The following WDFY3 variants were observed in gnomAD, a reference collection of about 807,000 sequenced individuals.
The protein encoded by WDFY3 is WD repeat and FYVE domain containing 3.
A neutral mutation model predicts 409.6 loss-of-function variants in WDFY3; 66 were observed. The ratio of observed to expected loss-of-function variants is 0.16; its 90% CI spans 0.13 to 0.20. The LOEUF is 0.20. WDFY3 is among the 10% of genes least tolerant of loss of function. The pLI, the probability that WDFY3 is intolerant of heterozygous loss-of-function variation, is 1.00. For synonymous variants in WDFY3, 1,521 were observed against 1,537.1 expected (o/e 0.99, Z 0.25); for missense variants, 3,031 against 4,298.1 (o/e 0.71, Z 8.24).
Position 84,721,503 on chromosome 4 carries a change from T to G in WDFY3, c.7511A>C (p.Gln2504Pro). 6.2e-7 allele frequency: 1 copy of G among 1,612,662 alleles called. No homozygotes were observed. The highest frequency in any genetic ancestry group is 8.5e-7 in the Non-Finnish European group (1 of 1,180,040). The change falls in exon 47 of 68, where the codon CAG (glutamine) becomes CCG (proline). Residue 2504 changes from glutamine to proline, a missense_variant. Coordinates refer to ENST00000295888, the MANE Select transcript of WDFY3 (RefSeq NM_014991.6). ...PDGGDEENQEQLQDQIAEGSS... is the reference protein window; with the variant it reads ...PDGGDEENQEPLQDQIAEGSS... ...GCCCTCAGCAATCTGGTCTTGTAGC[T>G]GCTCCTGGTTCTCCTCATCTCCTCC...
At chr4:84,882,935 G>A (rs1313870245) in intron 3 of WDFY3, among the ~76,000 whole-genome samples, 1 of 152,046 alleles carries the variant, frequency 6.6e-6, no homozygotes, top group Non-Finnish European at 1.5e-5. Context: ...GTCAAACTCT[G>A]GGCTAGAGCG....
At chr4:84,820,276 C>T (rs1197112330) in intron 11 of WDFY3, 90 bp from the exon 12 acceptor site, 3 of 1,090,634 alleles carry the variant, frequency 2.8e-6, no homozygotes, top group Non-Finnish European at 1.3e-6. Context: ...TTTATTTCTT[C>T]AGTATTCAGT....
chr4:84,841,359 C>T (rs1463348568), intron 5 of WDFY3, 96 bp from the exon 6 acceptor site: 2 of 999,384 alleles, frequency 2.0e-6, no homozygotes, highest in African/African-American at 3.3e-5. Flanking sequence ...ATTTACTAAG[C>T]ACATAATTAT....
chr4:84,743,337 C>CCA (rs1738789923), intron 37 of WDFY3, among the ~76,000 whole-genome samples: 1 of 152,086 alleles, frequency 6.6e-6, no homozygotes, highest in Non-Finnish European at 1.5e-5. Flanking sequence ...CATACATATA[C>CCA]CTATGACCTA....
chr4:84,717,478 A>C (rs1161639375), intron 48 of WDFY3, among the ~76,000 whole-genome samples: 1 of 152,196 alleles, frequency 6.6e-6, no homozygotes, highest in East Asian at 1.9e-4. Flanking sequence ...TGTTGACAGT[A>C]ATTATTTGAA....
intron 2 of WDFY3, among the ~76,000 whole-genome samples, chr4:84,903,157 T>C (rs919805438): frequency 6.6e-6 from 1 of 152,144 alleles, no homozygotes; most frequent in Non-Finnish European, 1.5e-5. Flanking sequence ...ATTTTTACAG[T>C]TCAATCTAAT....
At chr4:84,770,577 GAACAATGTACCTGTAA>G (rs993617273) in intron 30 of WDFY3, among the ~76,000 whole-genome samples, 2 of 152,052 alleles carry the variant, frequency 1.3e-5, no homozygotes, top group Admixed American at 1.3e-4. Flanking sequence ...TACTTGTTTG[GAACAATGTACCTGTAA>G]ACTGTCCTTT....
chr4:84,957,303 A>T (rs1441797173), intron 1 of WDFY3, among the ~76,000 whole-genome samples: 3 of 152,028 alleles, frequency 2.0e-5, no homozygotes, highest in African/African-American at 7.2e-5. Context: ...TCATAATGAG[A>T]CTTCTCACAA....
chr4:84,889,474 T>C (rs924701349), intron 3 of WDFY3, among the ~76,000 whole-genome samples: 1 of 152,140 alleles, frequency 6.6e-6, no homozygotes, highest in African/African-American at 2.4e-5. Context: ...AGAAACAATG[T>C]TTAAATAGTC....
chr4:84,880,674 C>CATACAT (rs1763381008), intron 3 of WDFY3, among the ~76,000 whole-genome samples: 1 of 50,356 alleles, frequency 2.0e-5, no homozygotes, highest in African/African-American at 8.9e-5. Flanking sequence ...GGGAACCATA[C>CATACAT]ATATATATAT....
In WDFY3 at chr4:84,860,448, T is replaced by G; in HGVS notation, c.144A>C (p.Glu48Asp). 1 of 1,614,146 alleles carries G rather than the reference T, an allele frequency of 6.2e-7. No homozygotes were observed. The highest frequency in any genetic ancestry group is 8.5e-7 in the Non-Finnish European group (1 of 1,179,992). ...PPRHMTQKEQ[E>D]EKLYMMLPVF... ...CTGGCAGCATCATATACAGTTTCTC[T>G]TCTTGTTCCTTCTGAGTCATGTGCC... is the stretch of plus-strand genomic sequence containing the variant. Residue 48 changes from glutamate (E) to aspartate (D), a missense_variant, in exon 4 of 68, where the codon GAA becomes GAC. Coordinates refer to ENST00000295888, the MANE Select transcript of WDFY3 (RefSeq NM_014991.6).
intron 4 of WDFY3, among the ~76,000 whole-genome samples, chr4:84,852,764 CT>C (rs367758767): frequency 9.1e-4 from 133 of 145,984 alleles, no homozygotes; most frequent in East Asian, 9.9e-4. Context: ...TAAACCTCCC[CT>C]TTTTTTTTTT....
At chr4:84,909,446 T>C (rs946576050) in intron 2 of WDFY3, among the ~76,000 whole-genome samples, 1 of 151,774 alleles carries the variant, frequency 6.6e-6, no homozygotes, top group Non-Finnish European at 1.5e-5. Context: ...TAAAAAAAAA[T>C]TCATATAATA....
intron 35 of WDFY3, 109 bp downstream of exon 35, chr4:84,753,588 G>T: frequency 7.8e-7 from 1 of 1,277,712 alleles, no homozygotes; most frequent in Non-Finnish European, 1.0e-6. Context: ...CTGTAACTTG[G>T]TCAGAAACTT....
intron 6 of WDFY3, among the ~76,000 whole-genome samples, chr4:84,839,396 A>G (rs900689333): frequency 6.6e-6 from 1 of 152,160 alleles, no homozygotes; most frequent in African/African-American, 2.4e-5. Flanking sequence ...CAGATACATG[A>G]AAACAATGGT....
At chr4:84,876,699 T>A (rs915213944) in intron 3 of WDFY3, among the ~76,000 whole-genome samples, 3 of 152,052 alleles carry the variant, frequency 2.0e-5, no homozygotes, top group African/African-American at 7.2e-5. Context: ...AAAAAAAAAC[T>A]TACATAGAGT....
intron 46 of WDFY3, among the ~76,000 whole-genome samples, chr4:84,722,011 G>T (rs1328671429): frequency 6.6e-6 from 1 of 152,130 alleles, no homozygotes; most frequent in Non-Finnish European, 1.5e-5. Flanking sequence ...TAGTAAGAAT[G>T]GTATAGCTTA....
At chr4:84,793,412 G>T (rs1748846030) in intron 21 of WDFY3, among the ~76,000 whole-genome samples, 1 of 152,090 alleles carries the variant, frequency 6.6e-6, no homozygotes, top group African/African-American at 2.4e-5. Flanking sequence ...ACATAGCTTG[G>T]GACATAGACA....
intron 1 of WDFY3, among the ~76,000 whole-genome samples, chr4:84,952,695 C>T (rs985563747): frequency 6.6e-6 from 1 of 151,454 alleles, no homozygotes; most frequent in African/African-American, 2.4e-5. Flanking sequence ...ATAATTTAAA[C>T]ATTGCAACTT....
Sources: allele counts gnomAD v4.1 joint callset (sites outside exome capture counted in the v4.1 genomes callset), GRCh38; gene constraint gnomAD v4.1.1; transcripts MANE v1.5; gene names NCBI Gene and HGNC (gene_info 2026-07-23, HGNC 2026-07-21).